Variants in COL27A1 observed in about 807,000 individuals in gnomAD.
COL27A1 encodes collagen type XXVII alpha 1 chain, also known as collagen alpha-1(XXVII) chain.
COL27A1 carries 106 observed loss-of-function variants against 251.3 expected under a neutral mutation model. The ratio of observed to expected loss-of-function variants is 0.42; its 90% CI spans 0.36 to 0.50. The LOEUF (loss-of-function observed/expected upper bound fraction) is 0.50, where lower values mean the gene tolerates loss of function less well. Ranked by LOEUF, COL27A1 falls within the 20% of genes least tolerant of loss-of-function variation. The pLI is 0.00. For synonymous variants in COL27A1, 1,000 were observed against 986.3 expected (o/e 1.01, Z -0.26); for missense variants, 2,325 against 2,522.8 (o/e 0.92, Z 1.68).
rs1174324175 is a variant in COL27A1, at chr9:114,155,571, C to G, written c.-380C>G. 1 of 152,182 alleles carries G rather than the reference C, an allele frequency of 6.6e-6. No individual in the cohort carries two copies. The highest frequency in any genetic ancestry group is 2.4e-5 in the African/African-American group (1 of 41,440). 9.4% of individuals were successfully genotyped at this position (152,182 alleles called of 1,614,324 possible). A position where few individuals can be genotyped will look rare whatever the true frequency, so the allele number is the denominator to read the frequency against. ...CTCCTCCCCCAGGCCGGCGGGGAGG[C>G]AGCTTCCACCGCCCTCCGCGCGCCC... On this transcript the variant is annotated 5_prime_UTR_variant, in exon 1 of 61. Transcript: ENST00000356083. This position sits in a 1 kb window ranked among gnomAD's most constrained non-coding sequence, Gnocchi z 5.5.
intron 2 of COL27A1, among the ~76,000 whole-genome samples, chr9:114,166,377 A>ATCCG (rs879801003): frequency 0.18 from 26,107 of 149,002 alleles, 2,839 homozygotes; most frequent in Middle Eastern, 0.32. Context: ...CAATCCATCC[A>ATCCG]TCCATCCATC....
At position 114,240,437 on chromosome 9, in the gene COL27A1, A is replaced by G. The variant is rs371625997; in HGVS notation, c.2785A>G (p.Lys929Glu). Residue 929 changes from lysine (K) to glutamate (E), a missense_variant, in exon 21 of 61, where the codon AAG becomes GAG. Physicochemically the swap from Lys to Glu is moderately conservative, Grantham distance 56. Coordinates refer to ENST00000356083, the MANE Select transcript of COL27A1 (RefSeq NM_032888.4). ...CTTTTTGTTCCCTTCTCCCCAGGGT[A>G]AGCCTGGAGCCCGAGGCCTGCCGGG... ...GDNGPEGMKGKPGARGLPGPR... is the reference protein window; with the variant it reads ...GDNGPEGMKGEPGARGLPGPR... The G allele has an allele frequency of 6.8e-6, 11 of 1,613,410 alleles. No individual in the cohort carries two copies. Among genetic ancestry groups the G allele is most frequent in the Non-Finnish European group, 9.3e-6 (11 of 1,179,870 alleles).
intron 59 of COL27A1, 109 bp from the exon 60 acceptor site, chr9:114,309,151 T>C (rs1407619421): frequency 6.8e-6 from 6 of 877,766 alleles, no homozygotes; most frequent in Non-Finnish European, 1.1e-5. Flanking sequence ...CAGGAAATGC[T>C]TGCCAGGAAG....
intron 27 of COL27A1, among the ~76,000 whole-genome samples, chr9:114,256,650 C>T (rs1833942139): frequency 6.6e-6 from 1 of 152,138 alleles, no homozygotes; most frequent in Admixed American, 6.5e-5. Context: ...CAGGCAGCTA[C>T]CTTTTCCTGA....
At chr9:114,183,148 G>C in intron 5 of COL27A1, 73 bp downstream of exon 5, 1 of 1,419,008 alleles carries the variant, frequency 7.0e-7, no homozygotes, top group Non-Finnish European at 9.9e-7. Context: ...GCTTCCCAGG[G>C]GTGCCTGGTG....
At chr9:114,252,723 G>A (rs1476479691) in intron 26 of COL27A1, 77 bp downstream of exon 26, 37 of 1,450,302 alleles carry the variant, frequency 2.6e-5, no homozygotes, top group South Asian at 2.5e-4. Flanking sequence ...TCCATGAACC[G>A]CTTACCCCAG....
chr9:114,222,072 G>A lies in COL27A1; in HGVS notation c.2422-151G>A, dbSNP rs577154661. On this transcript the variant is annotated intron_variant, in intron 13 of 60. Transcript: ENST00000356083. ...GGCTGTGGTCCAAACTCCAGGCCAG[G>A]CTCAGGAAAGTCGCTGGAGCCTGTG... 107 of 640,198 alleles carry A rather than the reference G, an allele frequency of 1.7e-4. 1 individual carries two copies. The highest frequency in any genetic ancestry group is 1.7e-3 in the African/African-American group (94 of 56,324). 39.7% of individuals were successfully genotyped at this position (640,198 alleles called of 1,614,324 possible).
At chr9:114,173,653 G>C (rs1849480558) in intron 3 of COL27A1, among the ~76,000 whole-genome samples, 1 of 152,044 alleles carries the variant, frequency 6.6e-6, no homozygotes, top group Non-Finnish European at 1.5e-5. Context: ...ATGGGGATAC[G>C]GTGCCACCTA....
intron 21 of COL27A1, among the ~76,000 whole-genome samples, chr9:114,241,251 C>G (rs2135479066): frequency 6.6e-6 from 1 of 152,370 alleles, no homozygotes; most frequent in African/African-American, 2.4e-5. Flanking sequence ...GGCGCCAGGC[C>G]CCCGTGACAC....
intron 43 of COL27A1, 61 bp from the exon 44 acceptor site, chr9:114,288,853 G>C: frequency 6.2e-7 from 1 of 1,609,216 alleles, no homozygotes; most frequent in Non-Finnish European, 8.5e-7. Flanking sequence ...CCAGGCTTCT[G>C]TGCTGCCTCC....
At chr9:114,179,282 T>A (rs2135151111) in intron 4 of COL27A1, among the ~76,000 whole-genome samples, 1 of 152,328 alleles carries the variant, frequency 6.6e-6, no homozygotes, top group South Asian at 2.1e-4. Flanking sequence ...GGCTCTGGAA[T>A]CTGCCATCTG....
chr9:114,290,524 C>G lies in COL27A1; in HGVS notation c.4368+193C>G, dbSNP rs535987964. Among the ~76,000 whole-genome samples the G allele has an allele frequency of 1.8e-4, 28 of 152,278 alleles. No individual in the cohort carries two copies. In the East Asian group the frequency reaches 5.0e-3, roughly 27 times the overall value. ...GAGTGTGGACCTTCTGACTGTCTCT[C>G]CTGGATGCCAGCACCCAGAAAGACC... On this transcript the variant is annotated intron_variant, in intron 47 of 60. Coordinates refer to ENST00000356083, the MANE Select transcript of COL27A1 (RefSeq NM_032888.4). This position sits in a 1 kb window ranked among gnomAD's most constrained non-coding sequence, Gnocchi z 4.6.
chr9:114,231,766 C>T lies in COL27A1; in HGVS notation c.2521-56C>T, dbSNP rs1831974324. The T allele has an allele frequency of 1.1e-5, 18 of 1,591,832 alleles. 1 individual carries two copies. In the Middle Eastern group the frequency reaches 6.7e-4, roughly 59 times the overall value. On this transcript the variant is annotated intron_variant, in intron 15 of 60. Coordinates refer to ENST00000356083, the MANE Select transcript of COL27A1 (RefSeq NM_032888.4). ...AGCAAGTCGTGTTTAAGCCAGGGCT[C>T]CTGACTTCTGTGGCCTAGAGTCCCA... is the stretch of plus-strand genomic sequence containing the variant.
intron 25 of COL27A1, 99 bp from the exon 26 acceptor site, chr9:114,252,494 C>A: frequency 1.0e-6 from 1 of 988,470 alleles, no homozygotes; most frequent in South Asian, 1.3e-5. Context: ...CAAACCCCTA[C>A]CTCTCTTTGA....
At position 114,264,403 on chromosome 9, in the gene COL27A1, C is replaced by T. The variant is rs755154336; in HGVS notation, c.3244C>T (p.Leu1082=). 2.5e-6 allele frequency: 4 copies of T among 1,585,144 alleles called. No individual in the cohort carries two copies. The South Asian group carries it at 3.5e-5, about 14-fold the overall frequency. The change falls in exon 29 of 61, where the codon CTG becomes TTG. Residue 1082 remains leucine (L), a synonymous_variant. Coordinates refer to ENST00000356083, the MANE Select transcript of COL27A1 (RefSeq NM_032888.4). ...AGCTGGGGAGCAAGGGTCCAGGGGC[C>T]TGAAGGTACCGACCCCTAGGACCTG... The part of the protein sequence containing the change: ...GPAGEQGSRG[L]KGPPGPQGRP...
chr9:114,258,700 G>A (rs77283614), intron 28 of COL27A1, 106 bp downstream of exon 28: 2 of 1,187,442 alleles, frequency 1.7e-6, no homozygotes, highest in East Asian at 2.5e-5. Flanking sequence ...GCCCAGCTCT[G>A]GGATCTGTGA....
At chr9:114,163,347 C>T (rs1285329754) in intron 2 of COL27A1, among the ~76,000 whole-genome samples, 1 of 151,932 alleles carries the variant, frequency 6.6e-6, no homozygotes, top group Non-Finnish European at 1.5e-5. Flanking sequence ...GAGTAAGTTA[C>T]TCCGGTTTTA....
At chr9:114,266,757 G>T in intron 33 of COL27A1, 139 bp downstream of exon 33, 1 of 738,458 alleles carries the variant, frequency 1.4e-6, no homozygotes, top group Non-Finnish European at 2.3e-6. Context: ...GTAGTTCAGA[G>T]AAGGGTGGAC....
chr9:114,246,794 T>C (rs764998792), intron 24 of COL27A1, among the ~76,000 whole-genome samples: 2 of 151,564 alleles, frequency 1.3e-5, no homozygotes, highest in Non-Finnish European at 2.9e-5. Flanking sequence ...ATCTTTCCAG[T>C]GTCATTCGAG....
Sources: gnomAD v4.1 joint callset for allele counts (sites outside exome capture counted in the v4.1 genomes callset) on GRCh38, gnomAD v4.1.1 for gene constraint, Gnocchi (gnomAD v3.1) non-coding constraint, MANE v1.5 for transcripts, NCBI Gene and HGNC (gene_info 2026-07-23, HGNC 2026-07-21) for gene names.